The following TENM2 variants were observed in gnomAD, a reference collection of about 807,000 sequenced individuals.
The protein encoded by TENM2 is teneurin-2.
A neutral mutation model predicts 245.2 loss-of-function variants in TENM2; 52 were observed. That is an observed-to-expected ratio of 0.21 (90% CI 0.17 to 0.27). The LOEUF is 0.27. Ranked by LOEUF, TENM2 falls within the 10% of genes least tolerant of loss-of-function variation. The probability of loss-of-function intolerance (pLI) is 1.00; values close to 1 mark genes in which losing one functional copy is unlikely to be tolerated. For missense variants in TENM2, 3,046 were observed against 3,666.8 expected, an observed-to-expected ratio of 0.83 and a Z score of 4.37; for synonymous variants, 1,363 against 1,438.9, an observed-to-expected ratio of 0.95 and a Z score of 1.19.
chr5:167,129,647 C>A, the TENM2 span, among the ~76,000 whole-genome samples: 1 of 152,140 alleles, frequency 6.6e-6, no homozygotes, highest in South Asian at 2.1e-4. Flanking sequence ...TTACTATTGG[C>A]GTGAAATGAG....
chr5:167,396,251 A>T (rs1374008473), intron 2 of TENM2, among the ~76,000 whole-genome samples: 1 of 152,168 alleles, frequency 6.6e-6, no homozygotes, highest in Non-Finnish European at 1.5e-5. Flanking sequence ...AATGTGGTGT[A>T]TACATACAAT....
the TENM2 span, among the ~76,000 whole-genome samples, chr5:167,258,247 A>G: frequency 6.7e-6 from 1 of 148,162 alleles, no homozygotes; most frequent in African/African-American, 2.5e-5. Flanking sequence ...ATATATGTAT[A>G]TATATATATA....
chr5:167,857,207 T>C (rs887167490), intron 2 of TENM2, among the ~76,000 whole-genome samples: 1 of 152,224 alleles, frequency 6.6e-6, no homozygotes, highest in African/African-American at 2.4e-5. Context: ...TATAGATACA[T>C]GCAAGATTTA....
At chr5:167,868,997 G>A (rs555767622) in intron 2 of TENM2, among the ~76,000 whole-genome samples, 3 of 152,238 alleles carry the variant, frequency 2.0e-5, no homozygotes, top group Non-Finnish European at 4.4e-5. Context: ...TAGAGTAGCT[G>A]TTAATATCAT....
the TENM2 span, among the ~76,000 whole-genome samples, chr5:167,013,888 G>C: frequency 6.6e-6 from 1 of 152,178 alleles, no homozygotes; most frequent in Non-Finnish European, 1.5e-5. Context: ...AGGTTTTCCA[G>C]TACAATTATA....
At chr5:167,877,932 A>G (rs1365861672) in intron 3 of TENM2, among the ~76,000 whole-genome samples, 1 of 152,150 alleles carries the variant, frequency 6.6e-6, no homozygotes, top group East Asian at 1.9e-4. Context: ...TGAATATTGT[A>G]TTATGAAGGA....
At chr5:167,356,187 C>CAAAAAAAAAA (rs58804392) in intron 1 of TENM2, among the ~76,000 whole-genome samples, 2 of 74,030 alleles carry the variant, frequency 2.7e-5, no homozygotes, top group Non-Finnish European at 2.3e-5. Context: ...GACTCCATCT[C>CAAAAAAAAAA]AAAAAAAAAA....
At chr5:167,616,138 G>A (rs771640232) in intron 2 of TENM2, among the ~76,000 whole-genome samples, 7 of 152,112 alleles carry the variant, frequency 4.6e-5, no homozygotes, top group Non-Finnish European at 8.8e-5. Context: ...GGAGATGTTA[G>A]CATCAATTTG....
At chr5:167,865,696 T>C (rs1462125977) in intron 2 of TENM2, among the ~76,000 whole-genome samples, 1 of 152,212 alleles carries the variant, frequency 6.6e-6, no homozygotes, top group African/African-American at 2.4e-5. Context: ...TGTCACTTAA[T>C]AAATCTAACA....
chr5:167,303,652 GC>G (rs1755493298), intron 1 of TENM2, among the ~76,000 whole-genome samples: 1 of 152,198 alleles, frequency 6.6e-6, no homozygotes, highest in Non-Finnish European at 1.5e-5. Context: ...GGATATGATG[GC>G]TTAGCTTGGG....
At chr5:168,164,451 A>G (rs991384818) in intron 13 of TENM2, among the ~76,000 whole-genome samples, 4 of 151,992 alleles carry the variant, frequency 2.6e-5, no homozygotes, top group South Asian at 2.1e-4. Context: ...GAATACAGCC[A>G]TGCCCATTTG....
chr5:167,430,633 G>T (rs1764157505), intron 2 of TENM2, among the ~76,000 whole-genome samples: 1 of 152,120 alleles, frequency 6.6e-6, no homozygotes, highest in African/African-American at 2.4e-5. Flanking sequence ...CTATTAAGTG[G>T]CCCCATGGGG....
At position 167,465,673 on chromosome 5, in the gene TENM2, C is replaced by CA. The variant is rs377339773; in HGVS notation, c.502+90208dup. On this transcript the variant is annotated intron_variant, in intron 2 of 28. Transcript: ENST00000518659. ...TGAAACCCCGTGTCTACTAATAATA[C>CA]AAAAAAAATTAGCCGGGCTTGGTGG... Among the ~76,000 whole-genome samples, 8 of 151,924 alleles carry CA rather than the reference C, an allele frequency of 5.3e-5. No homozygotes were observed. In the East Asian group the frequency reaches 7.8e-4, roughly 15 times the overall value.
At chr5:167,250,195 C>G in the TENM2 span, among the ~76,000 whole-genome samples, 7 of 152,108 alleles carry the variant, frequency 4.6e-5, no homozygotes, top group South Asian at 1.2e-3. Context: ...GTGGTGAATG[C>G]CTGTAGTGTC....
At chr5:167,613,966 A>G (rs1427851156) in intron 2 of TENM2, among the ~76,000 whole-genome samples, 2 of 152,182 alleles carry the variant, frequency 1.3e-5, no homozygotes, top group East Asian at 1.9e-4. Context: ...AGTATATAGA[A>G]AGGTATTTGA....
At chr5:167,762,490 G>A (rs1762747858) in intron 2 of TENM2, among the ~76,000 whole-genome samples, 1 of 152,188 alleles carries the variant, frequency 6.6e-6, no homozygotes, top group South Asian at 2.1e-4. Flanking sequence ...TCTTGCCCAT[G>A]TGAAAACCTG....
the TENM2 span, among the ~76,000 whole-genome samples, chr5:167,029,675 A>G: frequency 6.6e-6 from 1 of 152,170 alleles, no homozygotes; most frequent in East Asian, 1.9e-4. Context: ...GCCAGGGACA[A>G]CAGATGTTAA....
chr5:168,218,078 G>T lies in TENM2; in HGVS notation c.4234-47G>T. 2 of 1,575,236 alleles carry T rather than the reference G, an allele frequency of 1.3e-6. No individual in the cohort carries two copies. The highest frequency in any genetic ancestry group is 2.3e-5 in the South Asian group (2 of 86,250). ...AGTAAGTGCCGTACGGTTAAACGTT[G>T]GACATATTAAAGGCTGTTCTTTAAT... is the stretch of plus-strand genomic sequence containing the variant. On this transcript the variant is annotated intron_variant, in intron 22 of 28. Coordinates refer to ENST00000518659, the Ensembl canonical transcript of TENM2. The surrounding 1 kb of genome is among the most constrained non-coding windows in gnomAD (Gnocchi z 5.2).
intron 2 of TENM2, among the ~76,000 whole-genome samples, chr5:167,795,887 A>T (rs1410019838): frequency 1.3e-5 from 2 of 152,216 alleles, no homozygotes; most frequent in African/African-American, 4.8e-5. Flanking sequence ...ACTTCTTTAG[A>T]AATAAGGAGA....
Sources: allele counts gnomAD v4.1 joint callset (sites outside exome capture counted in the v4.1 genomes callset), GRCh38; gene constraint gnomAD v4.1.1; non-coding constraint Gnocchi (gnomAD v3.1); transcripts MANE v1.5; gene names NCBI Gene and HGNC (gene_info 2026-07-23, HGNC 2026-07-21).